Variants in AGXT2 observed in about 807,000 individuals in gnomAD.
AGXT2 encodes alanine--glyoxylate aminotransferase 2, mitochondrial.
AGXT2 carries 61 observed loss-of-function variants against 62.5 expected under a neutral mutation model. The ratio of observed to expected loss-of-function variants is 0.98; its 90% CI spans 0.79 to 1.21. The LOEUF is 1.21. Among genes scored for constraint, AGXT2 ranks in the 50% most tolerant of loss-of-function variants. The pLI is 0.00. For missense variants in AGXT2, 666 were observed against 641.5 expected, an observed-to-expected ratio of 1.04 and a Z score of -0.41; for synonymous variants, 243 against 218.7, an observed-to-expected ratio of 1.11 and a Z score of -0.98.
In AGXT2 at chr5:35,047,730, C is replaced by A. The variant is rs574719465; in HGVS notation, c.88+75G>T. The A allele has an allele frequency of 6.8e-5, 106 of 1,557,100 alleles. 2 individuals are homozygous for A. In the South Asian group the frequency reaches 1.2e-3, roughly 17 times the overall value. On this transcript the variant is annotated intron_variant, in intron 1 of 13. Coordinates refer to ENST00000231420, the MANE Select transcript of AGXT2 (RefSeq NM_031900.4). ...AGGTCTAACATTCCAGAATCCCAGG[C>A]AGCAGCCTTCGGAGCTCAAGTCTTA...
chr5:35,020,750 AG>A (rs1379177551), intron 9 of AGXT2, among the ~76,000 whole-genome samples: 1 of 152,246 alleles, frequency 6.6e-6, no homozygotes, highest in Non-Finnish European at 1.5e-5. Context: ...AAGGAAATAA[AG>A]GGTATTCAAT....
chr5:35,037,329 A>G (rs1018775998), intron 3 of AGXT2, among the ~76,000 whole-genome samples: 4 of 152,358 alleles, frequency 2.6e-5, no homozygotes, highest in East Asian at 1.9e-4. Flanking sequence ...AGAAATGCCT[A>G]GTTTAGGAGG....
At chr5:35,027,363 G>A (rs1388436836) in intron 7 of AGXT2, among the ~76,000 whole-genome samples, 1 of 152,060 alleles carries the variant, frequency 6.6e-6, no homozygotes, top group African/African-American at 2.4e-5. Flanking sequence ...GAAGTGATCT[G>A]TCTTTAATTC....
chr5:35,003,635 G>T, intron 13 of AGXT2, 128 bp downstream of exon 13: 2 of 917,976 alleles, frequency 2.2e-6, no homozygotes, highest in South Asian at 1.3e-5. Context: ...GGGTACCTCG[G>T]CACAGTTGTG....
At chr5:35,013,266 G>A (rs758667765) in intron 10 of AGXT2, among the ~76,000 whole-genome samples, 40 of 152,172 alleles carry the variant, frequency 2.6e-4, no homozygotes, top group African/African-American at 1.4e-4. Context: ...GAGATAGTGC[G>A]TTTAAGTAGG....
In AGXT2 at chr5:35,044,654, C is replaced by G. The variant is rs1579519329; in HGVS notation, c.88+3151G>C. Among the ~76,000 whole-genome samples the G allele has an allele frequency of 2.0e-5, 3 of 152,224 alleles. No homozygotes were observed. The East Asian group carries it at 5.8e-4, about 29-fold the overall frequency. Reference sequence around the variant, plus strand: ...ATTATTTCAGCTGCCCTCCCTCCTTCCCTCCATTCCTTCATAACCTTCCAG... The same window carrying G: ...ATTATTTCAGCTGCCCTCCCTCCTTGCCTCCATTCCTTCATAACCTTCCAG... On this transcript the variant is annotated intron_variant, in intron 1 of 13. Coordinates refer to ENST00000231420, the MANE Select transcript of AGXT2 (RefSeq NM_031900.4).
chr5:35,006,481 C>A (rs988078043), intron 12 of AGXT2, among the ~76,000 whole-genome samples: 1 of 152,046 alleles, frequency 6.6e-6, no homozygotes, highest in African/African-American at 2.4e-5. Context: ...GCAGATGGGT[C>A]GTGTGGGGAG....
chr5:35,003,943 A>T (rs1766330702), intron 12 of AGXT2, 82 bp from the exon 13 acceptor site: 3 of 1,341,664 alleles, frequency 2.2e-6, no homozygotes, highest in Non-Finnish European at 3.1e-6. Flanking sequence ...AAAAAGAAAA[A>T]CCCTTCAGCC....
intron 3 of AGXT2, among the ~76,000 whole-genome samples, chr5:35,038,002 T>A (rs1260322142): frequency 6.6e-6 from 1 of 152,176 alleles, no homozygotes; most frequent in African/African-American, 2.4e-5. Context: ...ATCTTTCACA[T>A]CAGAAAAAAA....
intron 13 of AGXT2, among the ~76,000 whole-genome samples, chr5:35,002,970 A>C (rs1214633385): frequency 6.6e-6 from 1 of 152,160 alleles, no homozygotes; most frequent in East Asian, 1.9e-4. Context: ...TAAAATGGGA[A>C]AGAAAGTTAA....
chr5:35,028,589 G>T (rs1284042899), intron 7 of AGXT2, among the ~76,000 whole-genome samples: 4 of 149,640 alleles, frequency 2.7e-5, no homozygotes, highest in Non-Finnish European at 5.9e-5. Context: ...GAGAGAGAGA[G>T]AGAGAGAGAG....
intron 12 of AGXT2, among the ~76,000 whole-genome samples, chr5:35,006,515 G>A (rs1766428621): frequency 6.6e-6 from 1 of 152,024 alleles, no homozygotes; most frequent in Non-Finnish European, 1.5e-5. Context: ...GAGGGAGTTA[G>A]GGAGGTGCCA....
At chr5:35,037,103 G>A (rs182172054) in intron 3 of AGXT2, 38 bp from the exon 4 acceptor site, 3 of 1,612,712 alleles carry the variant, frequency 1.9e-6, no homozygotes, top group Non-Finnish European at 2.5e-6. Flanking sequence ...TGCACTGCGT[G>A]CCACGTCCCT....
At chr5:35,033,658 C>T (rs1276678314) in intron 5 of AGXT2, 105 bp from the exon 6 acceptor site, 4 of 823,984 alleles carry the variant, frequency 4.9e-6, no homozygotes, top group African/African-American at 3.4e-5. Context: ...GAACATCATT[C>T]GCATTCACCT....
chr5:35,025,911 A>G (rs1767325230), intron 8 of AGXT2, 56 bp from the exon 9 acceptor site: 3 of 1,507,280 alleles, frequency 2.0e-6, no homozygotes, highest in Non-Finnish European at 2.8e-6. Flanking sequence ...CTTTCAAAGT[A>G]TATAAAAAAG....
intron 9 of AGXT2, among the ~76,000 whole-genome samples, chr5:35,024,985 A>T (rs749959894): frequency 6.6e-6 from 1 of 152,186 alleles, no homozygotes; most frequent in South Asian, 2.1e-4. Context: ...AGAAACAAAC[A>T]AACAAAAAAA....
In AGXT2 at chr5:34,998,663, C is replaced by A. The variant is rs536074250; in HGVS notation, c.*56G>T. ...GGTTCTGAAATTCTTCAAATTCACCCTTGAACATACGTGGCAAATTCTTGA... is the reference window on the plus strand; with the variant it reads ...GGTTCTGAAATTCTTCAAATTCACCATTGAACATACGTGGCAAATTCTTGA... On this transcript the variant is annotated 3_prime_UTR_variant, in exon 14 of 14. Transcript: ENST00000231420. The A allele has an allele frequency of 9.8e-6, 14 of 1,425,328 alleles. No individual in the cohort carries two copies. The highest frequency in any genetic ancestry group is 2.3e-5 in the East Asian group (1 of 43,790). The allele number at this position is 1,425,328 out of a possible 1,614,324, so 88.3% of individuals were successfully genotyped here. A position where few individuals can be genotyped will look rare whatever the true frequency, so the allele number is the denominator to read the frequency against.
At chr5:35,015,954 TAGG>T (rs1455879443) in intron 9 of AGXT2, among the ~76,000 whole-genome samples, 2 of 151,450 alleles carry the variant, frequency 1.3e-5, no homozygotes, top group South Asian at 4.2e-4. Context: ...GTGACCAGTG[TAGG>T]AGAAGAGCTT....
intron 12 of AGXT2, among the ~76,000 whole-genome samples, chr5:35,009,541 A>G (rs750146751): frequency 2.0e-5 from 3 of 152,084 alleles, no homozygotes; most frequent in Non-Finnish European, 2.9e-5. Flanking sequence ...GGTTGCAGTG[A>G]GCCAAGATCG....
Sources: gnomAD v4.1 joint callset for allele counts (sites outside exome capture counted in the v4.1 genomes callset) on GRCh38, gnomAD v4.1.1 for gene constraint, MANE v1.5 for transcripts, NCBI Gene and HGNC (gene_info 2026-07-23, HGNC 2026-07-21) for gene names.